The following RPS6KC1 variants were observed in gnomAD, a reference collection of about 807,000 sequenced individuals.
RPS6KC1 encodes the protein inactive ribosomal protein S6 kinase delta-1.
In RPS6KC1, 54 loss-of-function variants were observed where a neutral mutation model predicts 103.8. The observed-to-expected ratio is 0.52, with a 90% CI of 0.42 to 0.65. The LOEUF is 0.65. Ranked by LOEUF, RPS6KC1 falls within the 30% of genes least tolerant of loss-of-function variation. The probability of loss-of-function intolerance (pLI) is 0.00; values close to 1 mark genes in which losing one functional copy is unlikely to be tolerated. For missense variants in RPS6KC1, 1,151 were observed against 1,253.8 expected (o/e 0.92, Z 1.24); for synonymous variants, 439 against 438.7 (o/e 1.00, Z -0.01).
At chr1:213,632,453 C>T in the RPS6KC1 span, among the ~76,000 whole-genome samples, 5 of 152,264 alleles carry the variant, frequency 3.3e-5, no homozygotes, top group East Asian at 9.7e-4. Context: ...AGCTGAGGCA[C>T]CTGACTGTTA....
chr1:213,156,989 G>T (rs1418789214), intron 6 of RPS6KC1, among the ~76,000 whole-genome samples: 1 of 151,768 alleles, frequency 6.6e-6, no homozygotes, highest in Non-Finnish European at 1.5e-5. Context: ...ATCTTAAGAG[G>T]TAAAAGCTTA....
At chr1:213,351,551 G>A in the RPS6KC1 span, among the ~76,000 whole-genome samples, 2 of 152,182 alleles carry the variant, frequency 1.3e-5, no homozygotes, top group Admixed American at 6.5e-5. Context: ...TATGAGTGGA[G>A]TTTTGTCATT....
At chr1:213,479,469 C>T in the RPS6KC1 span, among the ~76,000 whole-genome samples, 1 of 152,034 alleles carries the variant, frequency 6.6e-6, no homozygotes, top group African/African-American at 2.4e-5. Context: ...TTCTAAACTG[C>T]ATCTCTCCGA....
chr1:213,213,453 C>T (rs371977010), intron 8 of RPS6KC1, among the ~76,000 whole-genome samples: 9 of 152,330 alleles, frequency 5.9e-5, no homozygotes, highest in East Asian at 5.8e-4. Context: ...GTCTTGATTA[C>T]TGTGGCTTTA....
At chr1:213,610,380 C>A in the RPS6KC1 span, among the ~76,000 whole-genome samples, 1 of 152,144 alleles carries the variant, frequency 6.6e-6, no homozygotes, top group South Asian at 2.1e-4. Flanking sequence ...TGGTCAAGAA[C>A]TATTGCTTTG....
the RPS6KC1 span, among the ~76,000 whole-genome samples, chr1:213,298,406 CT>C: frequency 1.3e-5 from 2 of 152,026 alleles, no homozygotes; most frequent in Admixed American, 6.6e-5. Flanking sequence ...TCTTTGAAAG[CT>C]TCTAGTATTT....
chr1:213,491,495 C>T, the RPS6KC1 span, among the ~76,000 whole-genome samples: 409 of 152,270 alleles, frequency 2.7e-3, 6 homozygotes, highest in Middle Eastern at 0.024. Context: ...TTGAAGTGAG[C>T]TGAGATTGCA....
chr1:213,272,712 A>AG lies in RPS6KC1; in HGVS notation c.*78_*79insG. 1 of 1,022,676 alleles carries AG rather than the reference A, an allele frequency of 9.8e-7. No individual in the cohort carries two copies. The highest frequency in any genetic ancestry group is 1.5e-6 in the Non-Finnish European group (1 of 653,062). The allele number at this position is 1,022,676 out of a possible 1,614,324, so 63.4% of individuals were successfully genotyped here. A position where few individuals can be genotyped will look rare whatever the true frequency, so the allele number is the denominator to read the frequency against. On this transcript the variant is annotated 3_prime_UTR_variant, in exon 15 of 15. Coordinates refer to ENST00000366960, the MANE Select transcript of RPS6KC1 (RefSeq NM_012424.6). The stretch of plus-strand genomic sequence containing the variant: ...TCCAGCACTGAGGCACCTCTGACTC[A>AG]CAGTTACTTATGGAGCACCAAAGCA...
At chr1:213,216,574 T>G (rs1352812561) in intron 8 of RPS6KC1, among the ~76,000 whole-genome samples, 1 of 152,182 alleles carries the variant, frequency 6.6e-6, no homozygotes, top group Non-Finnish European at 1.5e-5. Context: ...ATACATTTTT[T>G]TCAGCACCAC....
At chr1:213,569,957 T>C in the RPS6KC1 span, among the ~76,000 whole-genome samples, 1 of 152,166 alleles carries the variant, frequency 6.6e-6, no homozygotes, top group Non-Finnish European at 1.5e-5. Flanking sequence ...TGCTCTTTGA[T>C]CGATAAATGT....
the RPS6KC1 span, among the ~76,000 whole-genome samples, chr1:213,676,715 A>G: frequency 6.6e-6 from 1 of 152,180 alleles, no homozygotes; most frequent in Admixed American, 6.5e-5. Context: ...TAAAAGTGGA[A>G]CTAAAAATGG....
chr1:213,629,735 T>C, the RPS6KC1 span, among the ~76,000 whole-genome samples: 119 of 152,264 alleles, frequency 7.8e-4, 1 homozygote, highest in East Asian at 7.9e-3. Flanking sequence ...TTATTCCTTT[T>C]CATGTTTAGT....
chr1:213,558,191 C>A, the RPS6KC1 span, among the ~76,000 whole-genome samples: 2 of 152,188 alleles, frequency 1.3e-5, no homozygotes, highest in African/African-American at 4.8e-5. Context: ...GTGAGAGTTG[C>A]TATGGCACAT....
chr1:213,602,275 T>C, the RPS6KC1 span, among the ~76,000 whole-genome samples: 5 of 141,074 alleles, frequency 3.5e-5, no homozygotes, highest in Admixed American at 1.5e-4. Context: ...TTTTTTTTTT[T>C]CCAGAGTCTC....
At chr1:213,520,621 A>T in the RPS6KC1 span, among the ~76,000 whole-genome samples, 4 of 151,188 alleles carry the variant, frequency 2.6e-5, no homozygotes, top group East Asian at 7.8e-4. Flanking sequence ...TCCTTCCTTT[A>T]TTCTTTTTAT....
At chr1:213,592,541 C>T in the RPS6KC1 span, among the ~76,000 whole-genome samples, 344 of 152,296 alleles carry the variant, frequency 2.3e-3, 1 homozygote, top group African/African-American at 7.9e-3. Flanking sequence ...CAGTTGGCCA[C>T]AGGACCCACC....
the RPS6KC1 span, among the ~76,000 whole-genome samples, chr1:213,432,813 A>G: frequency 6.6e-6 from 1 of 151,064 alleles, no homozygotes; most frequent in Non-Finnish European, 1.5e-5. Context: ...TGTTCAGTAT[A>G]TTGATATTTC....
intron 8 of RPS6KC1, chr1:213,205,237 A>G: frequency 2.0e-6 from 2 of 984,798 alleles, no homozygotes; most frequent in Non-Finnish European, 2.4e-6. Context: ...CTGATTCATT[A>G]GTACACAGCC....
chr1:213,689,307 C>T, the RPS6KC1 span, among the ~76,000 whole-genome samples: 6 of 152,198 alleles, frequency 3.9e-5, no homozygotes, highest in East Asian at 1.9e-4. Context: ...TTTTCAGCTT[C>T]GGTACTTCCA....
Sources: gnomAD v4.1 joint callset for allele counts (sites outside exome capture counted in the v4.1 genomes callset) on GRCh38, gnomAD v4.1.1 for gene constraint, MANE v1.5 for transcripts, NCBI Gene and HGNC (gene_info 2026-07-23, HGNC 2026-07-21) for gene names.